RBKS: variants seen among roughly 807,000 people sequenced by gnomAD.
RBKS encodes ribokinase.
A neutral mutation model predicts 33.9 loss-of-function variants in RBKS; 33 were observed. That is an observed-to-expected ratio of 0.97 (90% CI 0.74 to 1.30). The LOEUF (loss-of-function observed/expected upper bound fraction) is 1.30. RBKS is among the 50% of genes most tolerant of loss of function. RBKS has a pLI of 0.00. For synonymous variants in RBKS, 125 were observed against 143.0 expected (o/e 0.87, Z 0.90); for missense variants, 361 against 392.6 (o/e 0.92, Z 0.68).
At chr2:27,832,312 C>G (rs1678433129) in intron 6 of RBKS, among the ~76,000 whole-genome samples, 1 of 152,186 alleles carries the variant, frequency 6.6e-6, no homozygotes, top group South Asian at 2.1e-4. Flanking sequence ...TATTTATTAT[C>G]TATCTGAAAT....
At chr2:27,887,518 C>G (rs561777436) in intron 1 of RBKS, among the ~76,000 whole-genome samples, 1 of 152,146 alleles carries the variant, frequency 6.6e-6, no homozygotes, top group Non-Finnish European at 1.5e-5. Flanking sequence ...ATCACAGATG[C>G]AGGGTTTTAA....
At chr2:27,849,746 T>G (rs956981408) in intron 2 of RBKS, among the ~76,000 whole-genome samples, 1 of 152,106 alleles carries the variant, frequency 6.6e-6, no homozygotes. Context: ...GGATCTCCCC[T>G]GTTTTTGTCA....
intron 1 of RBKS, among the ~76,000 whole-genome samples, chr2:27,864,798 G>A (rs1446723911): frequency 3.3e-5 from 5 of 152,260 alleles, no homozygotes; most frequent in Middle Eastern, 3.4e-3. Flanking sequence ...AGCCTATATA[G>A]GACATTTCAC....
intron 7 of RBKS, among the ~76,000 whole-genome samples, chr2:27,805,497 G>C (rs1406329976): frequency 1.3e-5 from 2 of 152,216 alleles, no homozygotes; most frequent in Non-Finnish European, 1.5e-5. Context: ...AGTTGGCCCT[G>C]ATGGCTCATT....
chr2:27,874,860 T>C (rs150116878), intron 1 of RBKS, among the ~76,000 whole-genome samples: 14 of 152,332 alleles, frequency 9.2e-5, no homozygotes, highest in African/African-American at 3.1e-4. Flanking sequence ...CTCTCATCCA[T>C]ATTTCCACAA....
At chr2:27,793,923 T>C (rs1174292060) in intron 7 of RBKS, among the ~76,000 whole-genome samples, 1 of 152,162 alleles carries the variant, frequency 6.6e-6, no homozygotes, top group Non-Finnish European at 1.5e-5. Flanking sequence ...AATGCTAATA[T>C]TGGGGAAACT....
intron 2 of RBKS, among the ~76,000 whole-genome samples, chr2:27,850,507 C>T (rs1045758528): frequency 3.3e-5 from 5 of 152,232 alleles, no homozygotes; most frequent in Non-Finnish European, 7.3e-5. Flanking sequence ...TAGCCTCTGG[C>T]AACCACTAAT....
intron 7 of RBKS, among the ~76,000 whole-genome samples, chr2:27,805,633 G>C (rs1352478471): frequency 6.6e-6 from 1 of 152,204 alleles, no homozygotes; most frequent in Admixed American, 6.5e-5. Flanking sequence ...GGAGTGCAGT[G>C]GCGCGATCTC....
At chr2:27,838,855 T>C (rs550669969) in intron 5 of RBKS, among the ~76,000 whole-genome samples, 5 of 152,334 alleles carry the variant, frequency 3.3e-5, no homozygotes, top group African/African-American at 1.2e-4. Context: ...ACTAAACTCC[T>C]AGTTATCTTA....
At chr2:27,857,581 C>G (rs925131366) in intron 2 of RBKS, among the ~76,000 whole-genome samples, 3 of 152,116 alleles carry the variant, frequency 2.0e-5, no homozygotes, top group Non-Finnish European at 4.4e-5. Context: ...ATGAGTAAAT[C>G]ACCGGTTATT....
chr2:27,810,853 A>G lies in RBKS; in HGVS notation c.795+16714T>C, dbSNP rs975965687. On this transcript the variant is annotated intron_variant, in intron 7 of 7. Coordinates refer to ENST00000302188, the MANE Select transcript of RBKS (RefSeq NM_022128.3). The surrounding 1 kb of genome is among the most constrained non-coding windows in gnomAD (Gnocchi z 4.4). ...CCCTGACTCCAGTCTTGTAAACTCCAATTTATTCTTCACACAGCAGCCATA... is the reference window on the plus strand; with the variant it reads ...CCCTGACTCCAGTCTTGTAAACTCCGATTTATTCTTCACACAGCAGCCATA... 6.6e-6 allele frequency among the ~76,000 whole-genome samples: 1 copy of G among 152,134 alleles called. No individual in the cohort carries two copies. Among genetic ancestry groups the G allele is most frequent in the Non-Finnish European group, 1.5e-5 (1 of 68,020 alleles).
At chr2:27,823,617 T>A (rs2148200520) in intron 7 of RBKS, among the ~76,000 whole-genome samples, 1 of 152,230 alleles carries the variant, frequency 6.6e-6, no homozygotes, top group Non-Finnish European at 1.5e-5. Context: ...TTTATCAGAT[T>A]TATGAAGAGG....
At chr2:27,840,350 ACACACG>A (rs1308836719) in intron 5 of RBKS, among the ~76,000 whole-genome samples, 4 of 137,002 alleles carry the variant, frequency 2.9e-5, no homozygotes, top group South Asian at 2.2e-4. Flanking sequence ...ACACACACAC[ACACACG>A]CGCGCGCGCA....
chr2:27,865,924 C>T (rs931048449), intron 1 of RBKS, among the ~76,000 whole-genome samples: 1 of 152,030 alleles, frequency 6.6e-6, no homozygotes, highest in African/African-American at 2.4e-5. Flanking sequence ...ACTGTTATTA[C>T]TTTATTAATT....
chr2:27,878,299 C>T (rs1231974799), intron 1 of RBKS, among the ~76,000 whole-genome samples: 19 of 151,580 alleles, frequency 1.3e-4, no homozygotes, highest in Middle Eastern at 3.4e-3. Context: ...TTTGTTCTTG[C>T]GATAGTTTAC....
intron 7 of RBKS, among the ~76,000 whole-genome samples, chr2:27,823,833 A>G (rs1350793335): frequency 6.6e-6 from 1 of 152,236 alleles, no homozygotes; most frequent in Non-Finnish European, 1.5e-5. Context: ...GAGAGTCTTT[A>G]TCACGAATAT....
Position 27,890,061 on chromosome 2 carries a change from C to G in RBKS, c.89+196G>C, listed in dbSNP as rs1185325382. ...ACCCTGGCCTATTACGTCCCCTCCC[C>G]TGAGATTTACCTTTATATACTCAAG... On this transcript the variant is annotated intron_variant, in intron 1 of 7. Coordinates refer to ENST00000302188, the MANE Select transcript of RBKS (RefSeq NM_022128.3). The surrounding 1 kb of genome is among the most constrained non-coding windows in gnomAD (Gnocchi z 4.8). 1.8e-6 allele frequency: 1 copy of G among 555,076 alleles called. No homozygotes were observed. Among genetic ancestry groups the G allele is most frequent in the Non-Finnish European group, 3.2e-6 (1 of 311,210 alleles). 34.4% of individuals were successfully genotyped at this position (555,076 alleles called of 1,614,324 possible).
intron 7 of RBKS, among the ~76,000 whole-genome samples, chr2:27,793,395 C>A (rs1677575254): frequency 6.6e-6 from 1 of 152,078 alleles, no homozygotes; most frequent in Non-Finnish European, 1.5e-5. Flanking sequence ...GAGAAACCTG[C>A]TAGGCACCAC....
At chr2:27,838,340 C>A (rs116230865) in intron 5 of RBKS, among the ~76,000 whole-genome samples, 2,137 of 152,152 alleles carry the variant, frequency 0.014, 28 homozygotes, top group Middle Eastern at 0.031. Flanking sequence ...TATAGGTTTA[C>A]CATACTATTC....
Sources: allele counts gnomAD v4.1 joint callset (sites outside exome capture counted in the v4.1 genomes callset), GRCh38; gene constraint gnomAD v4.1.1; non-coding constraint Gnocchi (gnomAD v3.1); transcripts MANE v1.5; gene names NCBI Gene and HGNC (gene_info 2026-07-23, HGNC 2026-07-21).